Variants in MND1 observed in about 807,000 individuals in gnomAD.
MND1 encodes the protein meiotic nuclear divisions 1.
In MND1, 28 loss-of-function variants were observed where a neutral mutation model predicts 35.1. The ratio of observed to expected loss-of-function variants is 0.80; its 90% CI spans 0.59 to 1.09. MND1 has a LOEUF of 1.09. MND1 is among the 50% of genes least tolerant of loss of function. The pLI is 0.00. For missense variants in MND1, 213 were observed against 239.6 expected (o/e 0.89, Z 0.73); for synonymous variants, 69 against 70.5 (o/e 0.98, Z 0.11).
intron 2 of MND1, among the ~76,000 whole-genome samples, chr4:153,355,056 C>T (rs1051474878): frequency 8.6e-5 from 13 of 151,974 alleles, no homozygotes; most frequent in African/African-American, 2.4e-5. Context: ...CCCAGCTACT[C>T]AGGAGGCTGA....
At chr4:153,379,221 C>G (rs189530599) in intron 4 of MND1, among the ~76,000 whole-genome samples, 2 of 145,296 alleles carry the variant, frequency 1.4e-5, no homozygotes, top group African/African-American at 5.1e-5. Context: ...ACCCAGGAGA[C>G]GGAGCTTGCA....
chr4:153,375,220 T>C (rs1728470538), intron 4 of MND1, among the ~76,000 whole-genome samples: 2 of 152,130 alleles, frequency 1.3e-5, no homozygotes, highest in Non-Finnish European at 2.9e-5. Context: ...TTTAGAGGGA[T>C]GGAGGAAATT....
chr4:153,399,395 T>A (rs900612334), intron 6 of MND1, among the ~76,000 whole-genome samples: 2 of 152,182 alleles, frequency 1.3e-5, no homozygotes, highest in Admixed American at 6.6e-5. Flanking sequence ...CACTCAGGAA[T>A]GAATAAAACT....
intron 4 of MND1, among the ~76,000 whole-genome samples, chr4:153,393,396 G>A (rs1729102206): frequency 7.0e-6 from 1 of 143,476 alleles, no homozygotes; most frequent in Non-Finnish European, 1.5e-5. Flanking sequence ...TTTGAAACAG[G>A]GTCTCACTCT....
chr4:153,351,088 G>A (rs753402317), intron 2 of MND1, among the ~76,000 whole-genome samples: 1 of 152,104 alleles, frequency 6.6e-6, no homozygotes, highest in Non-Finnish European at 1.5e-5. Context: ...ATAAATTGGT[G>A]AAGTCTCTAT....
intron 4 of MND1, among the ~76,000 whole-genome samples, chr4:153,367,229 C>G (rs1176065372): frequency 6.6e-6 from 1 of 152,132 alleles, no homozygotes; most frequent in Non-Finnish European, 1.5e-5. Flanking sequence ...GTACAGTCAT[C>G]ACTACAGTCA....
chr4:153,372,715 T>A (rs1773820740), intron 4 of MND1, among the ~76,000 whole-genome samples: 1 of 152,232 alleles, frequency 6.6e-6, no homozygotes, highest in Middle Eastern at 3.2e-3. Flanking sequence ...CATCATGCCG[T>A]AGTGTGTACT....
At chr4:153,384,464 TTTTTTTTTG>T in intron 4 of MND1, among the ~76,000 whole-genome samples, 2 of 129,552 alleles carry the variant, frequency 1.5e-5, no homozygotes, top group African/African-American at 6.3e-5. Flanking sequence ...TTTTTTTTTT[TTTTTTTTTG>T]TCAGAGATAG....
At chr4:153,367,984 G>C (rs1773698334) in intron 4 of MND1, among the ~76,000 whole-genome samples, 1 of 152,058 alleles carries the variant, frequency 6.6e-6, no homozygotes, top group Admixed American at 6.6e-5. Flanking sequence ...TATCTTCCTT[G>C]AATAAATTTT....
rs112530009 is a variant in MND1, at chr4:153,344,703, C to T, written c.-35C>T. The T allele has an allele frequency of 3.8e-6, 6 of 1,575,082 alleles. No homozygotes were observed. Among genetic ancestry groups the T allele is most frequent in the African/African-American group, 1.5e-5 (1 of 68,462 alleles). ...CCTGTCCCGCCCCTCTCCCCAAGCG[C>T]GGGCCCGGCCAGCGGAAGCCCCTGC... On this transcript the variant is annotated 5_prime_UTR_variant, in exon 1 of 8. Coordinates refer to ENST00000240488, the MANE Select transcript of MND1 (RefSeq NM_032117.4).
At chr4:153,388,859 G>T (rs1425259456) in intron 4 of MND1, among the ~76,000 whole-genome samples, 1 of 152,212 alleles carries the variant, frequency 6.6e-6, no homozygotes. Flanking sequence ...GAAGGGTAAG[G>T]ATGGACAGAG....
intron 2 of MND1, among the ~76,000 whole-genome samples, chr4:153,351,689 C>T (rs967064777): frequency 1.3e-5 from 2 of 152,146 alleles, no homozygotes; most frequent in Non-Finnish European, 2.9e-5. Flanking sequence ...ATTCTAATTT[C>T]GTTGTTGCAA....
At chr4:153,356,294 G>A (rs1009477560) in intron 3 of MND1, among the ~76,000 whole-genome samples, 3 of 152,106 alleles carry the variant, frequency 2.0e-5, no homozygotes, top group Non-Finnish European at 2.9e-5. Context: ...GGTGGCTCAC[G>A]CCTATAATCC....
At chr4:153,382,434 C>T (rs1441079792) in intron 4 of MND1, among the ~76,000 whole-genome samples, 1 of 152,062 alleles carries the variant, frequency 6.6e-6, no homozygotes, top group Non-Finnish European at 1.5e-5. Context: ...GCTATATAGC[C>T]CATGGAAGGG....
rs2149643198 is a variant in MND1, at chr4:153,376,388, G to GT, written c.276+17767dup. Among the ~76,000 whole-genome samples, 4 of 152,290 alleles carry GT rather than the reference G, an allele frequency of 2.6e-5. No homozygotes were observed. In the South Asian group the frequency reaches 8.3e-4, roughly 32 times the overall value. On this transcript the variant is annotated intron_variant, in intron 4 of 7. Coordinates refer to ENST00000240488, the MANE Select transcript of MND1 (RefSeq NM_032117.4). ...CTAAGGAAAAGCCAGGTAAAAATGT[G>GT]TAAGGATAGGTTCTTCCCATCATCT...
rs546974994 is a variant in MND1 at position 153,389,124 on chromosome 4, G to A, written c.277-5138G>A. On this transcript the variant is annotated intron_variant, in intron 4 of 7. Transcript: ENST00000240488. ...TATATGTAAAATAGGTGAAGCGTGCGGATCAGAGGAAAGCCACCAAATGGG... is the reference window on the plus strand; with the variant it reads ...TATATGTAAAATAGGTGAAGCGTGCAGATCAGAGGAAAGCCACCAAATGGG... Among the ~76,000 whole-genome samples, 50 of 152,284 alleles carry A rather than the reference G, an allele frequency of 3.3e-4. 1 individual carries two copies. The South Asian group carries it at 7.5e-3, about 23-fold the overall frequency.
chr4:153,362,424 C>T (rs1414936285), intron 4 of MND1, among the ~76,000 whole-genome samples: 1 of 152,132 alleles, frequency 6.6e-6, no homozygotes, highest in Non-Finnish European at 1.5e-5. Flanking sequence ...TAGCACCTCC[C>T]CCGCTTTCAG....
At chr4:153,404,543 C>A (rs373549152) in intron 6 of MND1, among the ~76,000 whole-genome samples, 1 of 150,572 alleles carries the variant, frequency 6.6e-6, no homozygotes, top group African/African-American at 2.4e-5. Context: ...GGTGCGATCT[C>A]GGCTCACTAC....
chr4:153,366,642 A>G (rs59712480), intron 4 of MND1, among the ~76,000 whole-genome samples: 2,593 of 152,286 alleles, frequency 0.017, 72 homozygotes, highest in African/African-American at 0.057. Flanking sequence ...ATTTTCTTTG[A>G]AGTTATATAT....
Sources: allele counts gnomAD v4.1 joint callset (sites outside exome capture counted in the v4.1 genomes callset), GRCh38; gene constraint gnomAD v4.1.1; transcripts MANE v1.5; gene names NCBI Gene and HGNC (gene_info 2026-07-23, HGNC 2026-07-21).